The following RAD18 variants were observed in gnomAD, a reference collection of about 807,000 sequenced individuals.
The protein encoded by RAD18 is RAD18 E3 ubiquitin protein ligase.
RAD18 carries 47 observed loss-of-function variants against 60.4 expected under a neutral mutation model. That is an observed-to-expected ratio of 0.78 (90% CI 0.62 to 0.99). The LOEUF (loss-of-function observed/expected upper bound fraction) is 0.99. Among genes scored for constraint, RAD18 ranks in the 50% least tolerant of loss-of-function variants. The pLI is 0.00. For missense variants in RAD18, 640 were observed against 593.3 expected, an observed-to-expected ratio of 1.08 and a Z score of -0.82; for synonymous variants, 225 against 195.5, an observed-to-expected ratio of 1.15 and a Z score of -1.26.
intron 9 of RAD18, among the ~76,000 whole-genome samples, chr3:8,903,178 C>A (rs866636240): frequency 6.6e-6 from 1 of 152,286 alleles, no homozygotes; most frequent in Middle Eastern, 3.4e-3. Flanking sequence ...CTTCTCCCTT[C>A]CTCAAATACA....
At chr3:8,935,745 CA>C in intron 7 of RAD18, 125 bp downstream of exon 7, 1 of 893,168 alleles carries the variant, frequency 1.1e-6, no homozygotes, top group Middle Eastern at 3.7e-4. Flanking sequence ...TGAAGGAACA[CA>C]TTTGCACGTC....
intron 11 of RAD18, among the ~76,000 whole-genome samples, chr3:8,894,130 A>G (rs1437694590): frequency 1.3e-5 from 2 of 152,216 alleles, no homozygotes; most frequent in Admixed American, 6.5e-5. Flanking sequence ...TGCTGCTTCA[A>G]TAGTGGTAGC....
At position 8,881,157 on chromosome 3, in the gene RAD18, G is replaced by A; in HGVS notation, c.*200C>T. The A allele has an allele frequency of 3.8e-6, 2 of 520,018 alleles. No homozygotes were observed. The highest frequency in any genetic ancestry group is 6.8e-6 in the Non-Finnish European group (2 of 294,364). The allele number at this position is 520,018 out of a possible 1,614,324, so 32.2% of individuals were successfully genotyped here. The stretch of plus-strand genomic sequence containing the variant: ...TATTTTTAGAGAGAGATGTTTTAGA[G>A]GCAGGAGGCAACTGACCAAGTAAGG... On this transcript the variant is annotated 3_prime_UTR_variant, in exon 13 of 13. Coordinates refer to ENST00000264926, the MANE Select transcript of RAD18 (RefSeq NM_020165.4).
intron 7 of RAD18, among the ~76,000 whole-genome samples, chr3:8,914,928 G>A (rs1308296128): frequency 6.6e-6 from 1 of 152,114 alleles, no homozygotes; most frequent in Admixed American, 6.5e-5. Flanking sequence ...CACGAGGTCA[G>A]GAGATCGAGA....
At chr3:8,955,001 C>T (rs928949319) in intron 2 of RAD18, among the ~76,000 whole-genome samples, 1 of 152,216 alleles carries the variant, frequency 6.6e-6, no homozygotes, top group African/African-American at 2.4e-5. Context: ...CCTCCACTGA[C>T]TTCCTCTTAA....
At chr3:8,903,121 A>G (rs1939943000) in intron 9 of RAD18, among the ~76,000 whole-genome samples, 2 of 152,142 alleles carry the variant, frequency 1.3e-5, no homozygotes, top group Non-Finnish European at 2.9e-5. Context: ...AAAGCTGCCA[A>G]GCATAAGAAT....
chr3:8,932,305 A>G, intron 7 of RAD18, among the ~76,000 whole-genome samples: 1 of 152,238 alleles, frequency 6.6e-6, no homozygotes, highest in African/African-American at 2.4e-5. Flanking sequence ...TATCCAGAAT[A>G]TATAAATAAC....
At chr3:8,901,830 A>T (rs975786551) in intron 10 of RAD18, among the ~76,000 whole-genome samples, 19 of 152,254 alleles carry the variant, frequency 1.2e-4, no homozygotes, top group African/African-American at 4.3e-4. Flanking sequence ...ACCACAATAT[A>T]GAAAAACATA....
In RAD18 at chr3:8,947,517, C is replaced by T. The variant is rs867047189; in HGVS notation, c.196-227G>A. On this transcript the variant is annotated intron_variant, in intron 3 of 12. Transcript: ENST00000264926. ...CTGATAAAAGCTCTCCAGAGCTTCT[C>T]TTATAATCATATATACTCTGTACTG... 7.9e-5 allele frequency among the ~76,000 whole-genome samples: 12 copies of T among 152,302 alleles called. No individual in the cohort carries two copies. The South Asian group carries it at 1.7e-3, about 21-fold the overall frequency.
intron 7 of RAD18, among the ~76,000 whole-genome samples, chr3:8,931,243 A>T (rs1159486032): frequency 6.6e-6 from 1 of 152,340 alleles, no homozygotes; most frequent in East Asian, 1.9e-4. Context: ...AGAAATAAAA[A>T]TTTTAAAACT....
chr3:8,949,633 G>A lies in RAD18; in HGVS notation c.134-1063C>T, dbSNP rs145296350. Among the ~76,000 whole-genome samples the A allele has an allele frequency of 2.3e-3, 343 of 152,156 alleles. 1 individual carries two copies. The highest frequency in any genetic ancestry group is 8.1e-3 in the African/African-American group (335 of 41,446). ...TTTTCGTAGATCCAGCAGAAAAGCA[G>A]GGTCACAGGGCAAACTGCTCTCCCC... On this transcript the variant is annotated intron_variant, in intron 2 of 12. Transcript: ENST00000264926.
chr3:8,914,351 C>A (rs912173330), intron 7 of RAD18, among the ~76,000 whole-genome samples: 3 of 152,100 alleles, frequency 2.0e-5, no homozygotes, highest in African/African-American at 7.2e-5. Context: ...ATCTACAATC[C>A]CTAACCCTCA....
At chr3:8,898,445 T>A (rs1006338178) in intron 11 of RAD18, among the ~76,000 whole-genome samples, 1 of 152,004 alleles carries the variant, frequency 6.6e-6, no homozygotes. Flanking sequence ...TTAAAATATC[T>A]TTTCAAAATG....
intron 12 of RAD18, among the ~76,000 whole-genome samples, chr3:8,883,162 C>CATGT (rs1242266894): frequency 6.6e-6 from 1 of 152,118 alleles, no homozygotes; most frequent in Non-Finnish European, 1.5e-5. Flanking sequence ...AATGGCATAA[C>CATGT]ATGTGTATAA....
At chr3:8,959,987 C>T (rs919368962) in intron 1 of RAD18, among the ~76,000 whole-genome samples, 2 of 151,790 alleles carry the variant, frequency 1.3e-5, no homozygotes, top group Admixed American at 6.6e-5. Flanking sequence ...TACTATGCTA[C>T]GGTTTGTTTA....
chr3:8,911,521 C>G (rs1254370240), intron 9 of RAD18, among the ~76,000 whole-genome samples: 1 of 152,182 alleles, frequency 6.6e-6, no homozygotes, highest in African/African-American at 2.4e-5. Context: ...TTTTGTTGTT[C>G]AGTCCATAAT....
chr3:8,913,212 T>A lies in RAD18; in HGVS notation c.966+432A>T, dbSNP rs373949454. On this transcript the variant is annotated intron_variant, in intron 8 of 12. Transcript: ENST00000264926. Reference sequence around the variant, plus strand: ...CTCCAAAGCTCAAGAGAATATTCCATCCTCAAATTACTTAATTTATCCTCT... The same window carrying A: ...CTCCAAAGCTCAAGAGAATATTCCAACCTCAAATTACTTAATTTATCCTCT... Among the ~76,000 whole-genome samples, 12 of 152,160 alleles carry A rather than the reference T, an allele frequency of 7.9e-5. No individual in the cohort carries two copies. In the East Asian group the frequency reaches 2.3e-3, roughly 29 times the overall value.
At chr3:8,958,443 C>A (rs1397632040) in intron 2 of RAD18, among the ~76,000 whole-genome samples, 3 of 152,204 alleles carry the variant, frequency 2.0e-5, no homozygotes, top group African/African-American at 7.2e-5. Context: ...CAACATGAGT[C>A]TTTCCAGCGT....
chr3:8,929,636 G>A (rs1424584589), intron 7 of RAD18, among the ~76,000 whole-genome samples: 1 of 107,084 alleles, frequency 9.3e-6, no homozygotes, highest in Non-Finnish European at 1.8e-5. Context: ...TGGAGCAACT[G>A]GAATTAATTT....
Sources: allele counts gnomAD v4.1 joint callset (sites outside exome capture counted in the v4.1 genomes callset), GRCh38; gene constraint gnomAD v4.1.1; transcripts MANE v1.5; gene names NCBI Gene and HGNC (gene_info 2026-07-23, HGNC 2026-07-21).